KIF13B: variants seen among roughly 807,000 people sequenced by gnomAD.
KIF13B encodes the protein kinesin family member 13B.
A neutral mutation model predicts 222.0 loss-of-function variants in KIF13B; 127 were observed. The observed-to-expected ratio is 0.57, with a 90% CI of 0.50 to 0.66. The LOEUF (loss-of-function observed/expected upper bound fraction) is 0.66. KIF13B is among the 30% of genes least tolerant of loss of function. KIF13B has a pLI of 0.00. For missense variants in KIF13B, 2,173 were observed against 2,379.0 expected (o/e 0.91, Z 1.80); for synonymous variants, 976 against 919.0 (o/e 1.06, Z -1.12).
intron 2 of KIF13B, among the ~76,000 whole-genome samples, chr8:29,244,036 C>T (rs902178365): frequency 3.8e-4 from 57 of 151,926 alleles, no homozygotes; most frequent in African/African-American, 1.3e-3. Context: ...TTTTTTGAGA[C>T]GGAGTCTCGC....
rs1228094684 is a variant in KIF13B, at chr8:29,070,618, G to A, written c.5367C>T (p.Arg1789=). ...TGLRLGAPEA[R]RSATLSGSAT... Reference sequence around the variant, plus strand: ...CGGAGCCCGAGAGGGTGGCGCTCCGGCGGGCCTCGGGGGCACCCAGCCGGA... The same window carrying A: ...CGGAGCCCGAGAGGGTGGCGCTCCGACGGGCCTCGGGGGCACCCAGCCGGA... The change falls in exon 40 of 40, where the codon CGC becomes CGT. Residue 1789 remains arginine (R), a synonymous_variant. Coordinates refer to ENST00000524189, the MANE Select transcript of KIF13B (RefSeq NM_015254.4). This position sits in a 1 kb window ranked among gnomAD's most constrained non-coding sequence, Gnocchi z 4.1. 6.3e-7 allele frequency: 1 copy of A among 1,579,812 alleles called. No homozygotes were observed. Among genetic ancestry groups the A allele is most frequent in the Non-Finnish European group, 8.6e-7 (1 of 1,162,604 alleles).
chr8:29,095,408 C>G (rs1808477285), intron 36 of KIF13B, among the ~76,000 whole-genome samples: 1 of 152,172 alleles, frequency 6.6e-6, no homozygotes. Context: ...AACAACAAAA[C>G]AAAACAGTGA....
chr8:29,215,344 A>G (rs1271619558), intron 2 of KIF13B, among the ~76,000 whole-genome samples: 1 of 152,196 alleles, frequency 6.6e-6, no homozygotes, highest in African/African-American at 2.4e-5. Flanking sequence ...AGAAGAAAAA[A>G]TAATTCTTTC....
Position 29,140,503 on chromosome 8 carries a change from G to A in KIF13B, c.2449C>T (p.Gln817Ter). Residue 817 changes from glutamine (Q) to a stop codon, truncating the protein, a stop_gained, in exon 20 of 40, where the codon CAA (glutamine) becomes TAA (stop). Coordinates refer to ENST00000524189, the MANE Select transcript of KIF13B (RefSeq NM_015254.4). LOFTEE classifies it high-confidence loss of function. ...TGGTTGATGATGGGAACAGCGTATT[G>A]TAACTTCACATCATAGAAAAGTGAC... The part of the protein sequence containing the change: ...LESLFYDVKL[Q>*]YAVPIINQKG... The A allele has an allele frequency of 6.2e-7, 1 of 1,613,920 alleles. No homozygotes were observed. The highest frequency in any genetic ancestry group is 8.5e-7 in the Non-Finnish European group (1 of 1,179,824).
At chr8:29,101,594 C>G (rs1230584941) in intron 35 of KIF13B, among the ~76,000 whole-genome samples, 2 of 152,194 alleles carry the variant, frequency 1.3e-5, no homozygotes, top group Non-Finnish European at 2.9e-5. Flanking sequence ...TACTCAAATA[C>G]TGAAAGTGAG....
chr8:29,212,411 G>A (rs942974628), intron 2 of KIF13B, among the ~76,000 whole-genome samples: 14 of 152,158 alleles, frequency 9.2e-5, no homozygotes, highest in African/African-American at 4.8e-5. Flanking sequence ...GGGAGCACAG[G>A]GGCCTCTCAC....
At chr8:29,257,018 G>C (rs1816505732) in intron 1 of KIF13B, among the ~76,000 whole-genome samples, 1 of 152,164 alleles carries the variant, frequency 6.6e-6, no homozygotes, top group South Asian at 2.1e-4. Context: ...GCCTCCCAAA[G>C]TGCTGGGAGT....
rs548777568 is a variant in KIF13B, at chr8:29,081,241, C to A, written c.4459-5898G>T. On this transcript the variant is annotated intron_variant, in intron 37 of 39. Coordinates refer to ENST00000524189, the MANE Select transcript of KIF13B (RefSeq NM_015254.4). ...CAACGGAAAGCTCAGTTCTGCCACT[C>A]CTGAGGCTCTGTAACCTGAGACAGG... 1.2e-4 allele frequency among the ~76,000 whole-genome samples: 18 copies of A among 152,330 alleles called. No homozygotes were observed. In the South Asian group the frequency reaches 3.7e-3, roughly 32 times the overall value.
chr8:29,126,568 C>T (rs1435407963), intron 25 of KIF13B, 57 bp from the exon 26 acceptor site: 2 of 1,010,214 alleles, frequency 2.0e-6, no homozygotes, highest in Non-Finnish European at 1.5e-6. Context: ...AAGAATCAGG[C>T]TACGCTAAAC....
Position 29,071,709 on chromosome 8 carries a change from C to A in KIF13B, c.5129G>T (p.Gly1710Val). ...TCTCACCACGCCCGTTTTGTGGGCG[C>A]CCACGGTGACGAACTCGCCCTCTCG... ...WLREGEFVTV[G>V]AHKTGVVRYV... Residue 1710 changes from glycine (G) to valine (V), a missense_variant, in exon 39 of 40, where the codon GGC becomes GTC. By Grantham distance (109) the Gly-to-Val change is moderately radical. This residue lies in a region of KIF13B where 693 missense variants were observed against 656.2 expected (regional missense o/e 1.06). Coordinates refer to ENST00000524189, the MANE Select transcript of KIF13B (RefSeq NM_015254.4). The surrounding 1 kb of genome is among the most constrained non-coding windows in gnomAD (Gnocchi z 4.9). 1.9e-6 allele frequency: 3 copies of A among 1,550,768 alleles called. No homozygotes were observed. In the South Asian group the frequency reaches 3.6e-5, roughly 18 times the overall value.
intron 3 of KIF13B, 93 bp downstream of exon 3, chr8:29,196,094 A>C (rs945157038): frequency 1.7e-5 from 18 of 1,086,366 alleles, no homozygotes; most frequent in Admixed American, 5.0e-5. Flanking sequence ...AATGATAGAA[A>C]ATATTTTCCT....
chr8:29,121,157 T>TCC (rs1449256304), intron 29 of KIF13B, among the ~76,000 whole-genome samples: 5 of 150,182 alleles, frequency 3.3e-5, no homozygotes. Context: ...TTCAATGCCA[T>TCC]CCCCATCAAG....
chr8:29,250,002 C>T, intron 1 of KIF13B: 1 of 1,286,618 alleles, frequency 7.8e-7, no homozygotes, highest in African/African-American at 1.5e-5. Flanking sequence ...CTTCCTCAGG[C>T]CCAGAGGTCC....
At chr8:29,097,254 A>G (rs923837029) in intron 36 of KIF13B, among the ~76,000 whole-genome samples, 1 of 109,702 alleles carries the variant, frequency 9.1e-6, no homozygotes, top group Non-Finnish European at 2.1e-5. Flanking sequence ...CCACTCTATC[A>G]GGAAGATATA....
intron 31 of KIF13B, among the ~76,000 whole-genome samples, chr8:29,115,584 C>T (rs1039467755): frequency 2.6e-5 from 4 of 152,146 alleles, no homozygotes; most frequent in African/African-American, 9.7e-5. Context: ...CCTCGGCCTC[C>T]CAAAGTGTTG....
intron 31 of KIF13B, 106 bp downstream of exon 31, chr8:29,116,725 G>C: frequency 9.5e-7 from 1 of 1,048,696 alleles, no homozygotes; most frequent in Non-Finnish European, 1.4e-6. Context: ...GAAAAGCTCA[G>C]TGCTTCCGGG....
At chr8:29,171,233 T>C (rs1367816924) in intron 10 of KIF13B, among the ~76,000 whole-genome samples, 1 of 152,212 alleles carries the variant, frequency 6.6e-6, no homozygotes, top group Non-Finnish European at 1.5e-5. Context: ...AAAAATCATC[T>C]TAATATGAAA....
Position 29,176,177 on chromosome 8 carries a change from G to T in KIF13B, c.836C>A (p.Ser279Tyr). ...GATAACCAGACCGAGGGTTGTGAGGGACCTGCATGGTGCAACAAACCAAAA... is the reference window on the plus strand; with the variant it reads ...GATAACCAGACCGAGGGTTGTGAGGTACCTGCATGGTGCAACAAACCAAAA... ...RLKEGSNINK[S>Y]LTTLGLVISA... Residue 279 changes from serine to tyrosine, a missense_variant and splice_region_variant, in exon 10 of 40, where the codon TCC (serine) becomes TAC (tyrosine). Physicochemically the swap from Ser to Tyr is moderately radical, Grantham distance 144 (BLOSUM62 -2). Coordinates refer to ENST00000524189, the MANE Select transcript of KIF13B (RefSeq NM_015254.4). 1 of 1,587,724 alleles carries T rather than the reference G, an allele frequency of 6.3e-7. No individual in the cohort carries two copies. The highest frequency in any genetic ancestry group is 8.6e-7 in the Non-Finnish European group (1 of 1,160,102).
intron 14 of KIF13B, among the ~76,000 whole-genome samples, chr8:29,153,507 A>C (rs1811388760): frequency 2.1e-5 from 1 of 48,142 alleles, no homozygotes; most frequent in Non-Finnish European, 5.7e-5. Context: ...AAGGGCGGGA[A>C]ATAATTAAGA....
Sources: allele counts gnomAD v4.1 joint callset (sites outside exome capture counted in the v4.1 genomes callset), GRCh38; gene constraint gnomAD v4.1.1; regional missense constraint gnomAD v4.1.1; non-coding constraint Gnocchi (gnomAD v3.1); transcripts MANE v1.5; gene names NCBI Gene and HGNC (gene_info 2026-07-23, HGNC 2026-07-21).